CNTNAP2: variants seen among roughly 807,000 people sequenced by gnomAD.
The protein encoded by CNTNAP2 is contactin-associated protein-like 2.
Under a neutral mutation model 155.2 loss-of-function variants are expected in CNTNAP2, and 98 were observed. That is an observed-to-expected ratio of 0.63 (90% CI 0.54 to 0.75). The LOEUF (loss-of-function observed/expected upper bound fraction) is 0.75, where lower values mean the gene tolerates loss of function less well. CNTNAP2 is among the 30% of genes least tolerant of loss of function. The probability of loss-of-function intolerance (pLI) is 0.00; values close to 1 mark genes in which losing one functional copy is unlikely to be tolerated. For synonymous variants in CNTNAP2, 651 were observed against 631.2 expected (o/e 1.03, Z -0.47); for missense variants, 1,727 against 1,688.1 (o/e 1.02, Z -0.40).
chr7:146,529,959 G>A (rs896329343), intron 1 of CNTNAP2, among the ~76,000 whole-genome samples: 2 of 126,202 alleles, frequency 1.6e-5, no homozygotes, highest in Admixed American at 7.4e-5. Flanking sequence ...ATGAGACTCC[G>A]TCTCAAAACA....
intron 1 of CNTNAP2, among the ~76,000 whole-genome samples, chr7:146,156,552 G>A (rs909789119): frequency 3.3e-5 from 5 of 152,078 alleles, no homozygotes; most frequent in African/African-American, 9.7e-5. Context: ...TTAAATTATT[G>A]TTATTTATTC....
At chr7:146,519,037 G>C (rs531434526) in intron 1 of CNTNAP2, among the ~76,000 whole-genome samples, 1 of 151,806 alleles carries the variant, frequency 6.6e-6, no homozygotes, top group East Asian at 1.9e-4. Flanking sequence ...TATAATAATC[G>C]TTGTTATGCT....
intron 11 of CNTNAP2, among the ~76,000 whole-genome samples, chr7:147,506,341 C>T (rs772312591): frequency 1.3e-4 from 20 of 152,144 alleles, no homozygotes; most frequent in East Asian, 3.9e-4. Context: ...CTGCAACCTC[C>T]GCCTCCTGGG....
intron 1 of CNTNAP2, among the ~76,000 whole-genome samples, chr7:146,550,855 A>G (rs1277578426): frequency 6.6e-6 from 1 of 152,078 alleles, no homozygotes. Flanking sequence ...CATTGAAGAG[A>G]AATATTCAGG....
At chr7:148,361,481 G>A (rs1459379413) in intron 21 of CNTNAP2, among the ~76,000 whole-genome samples, 1 of 152,074 alleles carries the variant, frequency 6.6e-6, no homozygotes, top group Non-Finnish European at 1.5e-5. Context: ...GTCCTCTTGG[G>A]GACTCAGAGG....
chr7:147,977,958 G>T lies in CNTNAP2; in HGVS notation c.2352G>T (p.Leu784Phe). Residue 784 changes from leucine to phenylalanine, a missense_variant, in exon 15 of 24, where the codon TTG becomes TTT. Coordinates refer to ENST00000361727, the MANE Select transcript of CNTNAP2 (RefSeq NM_014141.6). ...DTDRQGSEAK[L>F]SVGPLRCQGD... Reference sequence around the variant, plus strand: ...ACCGTCAAGGCTCAGAAGCCAAATTGAGCGTAGGTCCTCTGCGCTGCCAAG... The same window carrying T: ...ACCGTCAAGGCTCAGAAGCCAAATTTAGCGTAGGTCCTCTGCGCTGCCAAG... The T allele has an allele frequency of 6.2e-7, 1 of 1,614,084 alleles. No homozygotes were observed. The highest frequency in any genetic ancestry group is 1.1e-5 in the South Asian group (1 of 91,070).
intron 3 of CNTNAP2, among the ~76,000 whole-genome samples, chr7:147,026,289 T>C (rs902876095): frequency 1.3e-5 from 2 of 152,222 alleles, no homozygotes; most frequent in African/African-American, 4.8e-5. Flanking sequence ...ACATAGATTG[T>C]ATCTGAGGAG....
chr7:147,112,609 C>G (rs1800903741), intron 5 of CNTNAP2, among the ~76,000 whole-genome samples: 2 of 152,284 alleles, frequency 1.3e-5, no homozygotes, highest in Admixed American at 1.3e-4. Flanking sequence ...AAGAACTTTT[C>G]TGCATCTACT....
intron 1 of CNTNAP2, among the ~76,000 whole-genome samples, chr7:146,617,420 C>T (rs576669382): frequency 1.3e-5 from 2 of 152,302 alleles, no homozygotes; most frequent in South Asian, 4.1e-4. Flanking sequence ...TTATTTGAAA[C>T]ATTTTAAGAA....
chr7:147,018,354 C>G (rs912408641), intron 3 of CNTNAP2, among the ~76,000 whole-genome samples: 8 of 152,100 alleles, frequency 5.3e-5, no homozygotes, highest in African/African-American at 1.9e-4. Flanking sequence ...AATACCCACT[C>G]TATGACTCTG....
chr7:147,673,948 G>GA (rs1280586241), intron 13 of CNTNAP2, among the ~76,000 whole-genome samples: 5 of 151,974 alleles, frequency 3.3e-5, no homozygotes, highest in African/African-American at 1.2e-4. Context: ...AGCTTTATAA[G>GA]AAAAAATAAT....
intron 14 of CNTNAP2, among the ~76,000 whole-genome samples, chr7:147,904,293 T>C (rs1799922750): frequency 6.6e-6 from 1 of 152,240 alleles, no homozygotes; most frequent in South Asian, 2.1e-4. Context: ...AAGAAAGATC[T>C]ATTTTGGGTT....
intron 9 of CNTNAP2, among the ~76,000 whole-genome samples, chr7:147,332,147 T>C (rs1795581642): frequency 6.6e-6 from 1 of 152,158 alleles, no homozygotes; most frequent in African/African-American, 2.4e-5. Flanking sequence ...TCGGATGATC[T>C]TACCTCACAT....
chr7:146,141,647 T>A (rs1378741856), intron 1 of CNTNAP2, among the ~76,000 whole-genome samples: 1 of 152,178 alleles, frequency 6.6e-6, no homozygotes, highest in Non-Finnish European at 1.5e-5. Context: ...TTTTTCCTAC[T>A]TTAGGTGGTT....
chr7:148,278,411 CA>C (rs972668134), intron 21 of CNTNAP2, among the ~76,000 whole-genome samples: 5 of 150,786 alleles, frequency 3.3e-5, no homozygotes, highest in African/African-American at 4.9e-5. Flanking sequence ...CTAAAAAATA[CA>C]AAAAAAAATT....
At chr7:148,227,868 A>G (rs1795881704) in intron 19 of CNTNAP2, among the ~76,000 whole-genome samples, 1 of 150,486 alleles carries the variant, frequency 6.6e-6, no homozygotes, top group Admixed American at 6.6e-5. Context: ...GGATGCCTAA[A>G]TAAGGAAGAG....
chr7:147,183,078 T>C (rs1425830467), intron 8 of CNTNAP2, among the ~76,000 whole-genome samples: 1 of 152,102 alleles, frequency 6.6e-6, no homozygotes, highest in Non-Finnish European at 1.5e-5. Flanking sequence ...TAATCATAGT[T>C]ACTCTAACTG....
chr7:146,780,954 C>T (rs1009988408), intron 2 of CNTNAP2, among the ~76,000 whole-genome samples: 10 of 152,090 alleles, frequency 6.6e-5, no homozygotes, highest in South Asian at 4.2e-4. Context: ...CAGGGCCGGG[C>T]GCGGTGGCTC....
intron 9 of CNTNAP2, among the ~76,000 whole-genome samples, chr7:147,314,802 G>A (rs761466402): frequency 8.6e-5 from 13 of 151,014 alleles, no homozygotes; most frequent in Non-Finnish European, 1.3e-4. Flanking sequence ...ATGTAAAGGG[G>A]GAATTGCCCC....
Sources: allele counts gnomAD v4.1 joint callset (sites outside exome capture counted in the v4.1 genomes callset), GRCh38; gene constraint gnomAD v4.1.1; transcripts MANE v1.5; gene names NCBI Gene and HGNC (gene_info 2026-07-23, HGNC 2026-07-21).